Variants in LRRFIP2 observed in about 807,000 individuals in gnomAD.
LRRFIP2 encodes leucine-rich repeat flightless-interacting protein 2.
LRRFIP2 carries 109 observed loss-of-function variants against 125.9 expected under a neutral mutation model. The observed-to-expected ratio is 0.87, with a 90% CI of 0.74 to 1.01. The LOEUF (loss-of-function observed/expected upper bound fraction) is 1.01. Among genes scored for constraint, LRRFIP2 ranks in the 50% least tolerant of loss-of-function variants. LRRFIP2 has a pLI of 0.00. For missense variants in LRRFIP2, 850 were observed against 862.3 expected (o/e 0.99, Z 0.18); for synonymous variants, 291 against 293.1 (o/e 0.99, Z 0.07).
intron 19 of LRRFIP2, among the ~76,000 whole-genome samples, chr3:37,080,321 G>A (rs367603327): frequency 1.3e-4 from 20 of 151,974 alleles, no homozygotes; most frequent in Admixed American, 6.6e-4. Flanking sequence ...ACTTGAACCC[G>A]GGAGGCAGAG....
intron 7 of LRRFIP2, 142 bp from the exon 8 acceptor site, chr3:37,113,122 T>A: frequency 2.0e-6 from 1 of 492,954 alleles, no homozygotes. Context: ...CAAAGGTTAG[T>A]AAACAATTCA....
At chr3:37,125,692 C>T (rs2095246924) in intron 4 of LRRFIP2, among the ~76,000 whole-genome samples, 1 of 152,112 alleles carries the variant, frequency 6.6e-6, no homozygotes, top group African/African-American at 2.4e-5. Flanking sequence ...TATTCATGTC[C>T]CAACATCACA....
intron 15 of LRRFIP2, among the ~76,000 whole-genome samples, chr3:37,101,184 C>T (rs978091430): frequency 5.9e-5 from 9 of 151,372 alleles, no homozygotes; most frequent in Non-Finnish European, 1.0e-4. Flanking sequence ...GGTGAAACCC[C>T]GTCTCTACTA....
chr3:37,105,633 C>G lies in LRRFIP2; in HGVS notation c.715-110G>C, dbSNP rs1214751677. ...AGATGCATATGAATAACTATATAAG[C>G]AGCATAATTGGTATAATATAGTGGG... On this transcript the variant is annotated intron_variant, in intron 13 of 27. Transcript: ENST00000336686. 9.5e-6 allele frequency: 7 copies of G among 739,290 alleles called. No individual in the cohort carries two copies. The East Asian group carries it at 1.9e-4, about 20-fold the overall frequency. The allele number at this position is 739,290 out of a possible 1,614,324, so 45.8% of individuals were successfully genotyped here.
intron 25 of LRRFIP2, among the ~76,000 whole-genome samples, chr3:37,057,400 A>G (rs1172766755): frequency 6.6e-6 from 1 of 152,234 alleles, no homozygotes; most frequent in Non-Finnish European, 1.5e-5. Context: ...ATCTACCGCC[A>G]ACACCAAAAT....
chr3:37,080,338 G>A (rs1268371091), intron 19 of LRRFIP2, among the ~76,000 whole-genome samples: 2 of 152,050 alleles, frequency 1.3e-5, no homozygotes, highest in Non-Finnish European at 1.5e-5. Flanking sequence ...AGAGGTTGCA[G>A]TGAGCCGAGA....
At chr3:37,145,045 G>A (rs2095822065) in intron 2 of LRRFIP2, among the ~76,000 whole-genome samples, 1 of 152,086 alleles carries the variant, frequency 6.6e-6, no homozygotes, top group Admixed American at 6.6e-5. Context: ...GTGTTGCCAT[G>A]GTTTCCAAAT....
chr3:37,107,872 G>A (rs2094401709), intron 13 of LRRFIP2, among the ~76,000 whole-genome samples: 1 of 152,176 alleles, frequency 6.6e-6, no homozygotes, highest in South Asian at 2.1e-4. Flanking sequence ...ACTCATTTAA[G>A]AAATTACATG....
At chr3:37,126,372 G>A (rs1397378194) in intron 4 of LRRFIP2, among the ~76,000 whole-genome samples, 2 of 151,980 alleles carry the variant, frequency 1.3e-5, no homozygotes, top group South Asian at 4.1e-4. Context: ...GTGTCAGAAC[G>A]GGTTAGAAGT....
At chr3:37,070,730 A>G (rs577756248) in intron 21 of LRRFIP2, among the ~76,000 whole-genome samples, 2 of 152,210 alleles carry the variant, frequency 1.3e-5, no homozygotes, top group East Asian at 3.9e-4. Flanking sequence ...ATTCCATCTC[A>G]AAAAAAGAAT....
intron 20 of LRRFIP2, among the ~76,000 whole-genome samples, chr3:37,074,227 C>G (rs1355206402): frequency 6.6e-6 from 1 of 152,000 alleles, no homozygotes; most frequent in Non-Finnish European, 1.5e-5. Flanking sequence ...TCTGAGTAGC[C>G]AGGAATGTGG....
At chr3:37,145,262 T>C (rs2095827659) in intron 2 of LRRFIP2, among the ~76,000 whole-genome samples, 1 of 152,220 alleles carries the variant, frequency 6.6e-6, no homozygotes, top group Non-Finnish European at 1.5e-5. Context: ...AACAACTATA[T>C]CTTCCATTTA....
chr3:37,160,372 A>G (rs916216426), intron 1 of LRRFIP2, among the ~76,000 whole-genome samples: 3 of 152,240 alleles, frequency 2.0e-5, no homozygotes, highest in Non-Finnish European at 2.9e-5. Context: ...AGAATAACTT[A>G]GTGAAAATAA....
chr3:37,070,355 C>T (rs536543531), intron 21 of LRRFIP2, among the ~76,000 whole-genome samples: 12 of 150,882 alleles, frequency 8.0e-5, no homozygotes, highest in African/African-American at 2.9e-4. Flanking sequence ...CTCAAGGGAT[C>T]CACCCTCTTT....
At chr3:37,144,563 G>C (rs1388412893) in intron 2 of LRRFIP2, among the ~76,000 whole-genome samples, 1 of 152,144 alleles carries the variant, frequency 6.6e-6, no homozygotes, top group Admixed American at 6.6e-5. Flanking sequence ...AACCTAGCAA[G>C]ACCTCATCTC....
In LRRFIP2 at chr3:37,053,938, A is replaced by G. The variant is rs939899586; in HGVS notation, c.2079T>C (p.Ile693=). 9.9e-6 allele frequency: 16 copies of G among 1,613,286 alleles called. No homozygotes were observed. Among genetic ancestry groups the G allele is most frequent in the Middle Eastern group, 1.6e-4 (1 of 6,084 alleles). Residue 693 remains isoleucine (I), a synonymous_variant, in exon 28 of 28, where the codon ATT becomes ATC. Transcript: ENST00000336686. ...GGCTGTTGGTCATCTCCATCTCCTC[A>G]ATCTTGTCCAGTGCTGTTCGTAACT... ...QRELRTALDK[I]EEMEMTNSHL... is the part of the protein sequence containing the mutation.
At position 37,091,492 on chromosome 3, in the gene LRRFIP2, T is replaced by C; in HGVS notation, c.1082A>G (p.Tyr361Cys). 6.2e-7 allele frequency: 1 copy of C among 1,612,508 alleles called. No individual in the cohort carries two copies. Among genetic ancestry groups the C allele is most frequent in the Middle Eastern group, 1.7e-4 (1 of 6,054 alleles). Residue 361 changes from tyrosine to cysteine, a missense_variant, in exon 18 of 28, where the codon TAC becomes TGC. Physicochemically the swap from Tyr to Cys is radical, Grantham distance 194 (BLOSUM62 -2). Coordinates refer to ENST00000336686, the MANE Select transcript of LRRFIP2 (RefSeq NM_006309.4). The stretch of plus-strand genomic sequence containing the variant: ...CTTTAGTTCTTTAAGCCCCTGCATG[T>C]ATCTCCCTTCTACATCCTGTATCTG... ...KDQIQDVEGR[Y>C]MQGLKELKES... is the part of the protein sequence containing the mutation.
At chr3:37,086,650 A>G (rs1674491361) in intron 18 of LRRFIP2, among the ~76,000 whole-genome samples, 1 of 152,198 alleles carries the variant, frequency 6.6e-6, no homozygotes. Context: ...ATTTGTATAA[A>G]ATCTCCAGAA....
At chr3:37,117,125 TAA>T (rs74270642) in intron 6 of LRRFIP2, among the ~76,000 whole-genome samples, 18 of 132,792 alleles carry the variant, frequency 1.4e-4, no homozygotes, top group Non-Finnish European at 2.3e-4. Flanking sequence ...CCCTTTTGTT[TAA>T]AAAAAAAAAA....
Sources: gnomAD v4.1 joint callset for allele counts (sites outside exome capture counted in the v4.1 genomes callset) on GRCh38, gnomAD v4.1.1 for gene constraint, MANE v1.5 for transcripts, NCBI Gene and HGNC (gene_info 2026-07-23, HGNC 2026-07-21) for gene names.